Variants in KCNN2 observed in about 807,000 individuals in gnomAD.
KCNN2 encodes small conductance calcium-activated potassium channel protein 2.
KCNN2 carries 24 observed loss-of-function variants against 55.5 expected under a neutral mutation model. That is an observed-to-expected ratio of 0.43 (90% CI 0.31 to 0.61). The LOEUF (loss-of-function observed/expected upper bound fraction) is 0.61. Ranked by LOEUF, KCNN2 falls within the 20% of genes least tolerant of loss-of-function variation. The pLI is 0.08. For missense variants in KCNN2, 754 were observed against 853.6 expected, an observed-to-expected ratio of 0.88 and a Z score of 1.45; for synonymous variants, 431 against 336.1, an observed-to-expected ratio of 1.28 and a Z score of -3.09.
intron 2 of KCNN2, among the ~76,000 whole-genome samples, chr5:114,375,699 G>A (rs1382529285): frequency 1.3e-5 from 2 of 151,806 alleles, no homozygotes; most frequent in Non-Finnish European, 2.9e-5. Flanking sequence ...TAGGATTTTA[G>A]TCAAGAATTT....
At chr5:114,179,296 C>T (rs1267335810) in intron 1 of KCNN2, among the ~76,000 whole-genome samples, 4 of 152,168 alleles carry the variant, frequency 2.6e-5, no homozygotes, top group Non-Finnish European at 5.9e-5. Flanking sequence ...ATTGTTGTCA[C>T]ACCTCTGTTC....
At chr5:114,461,361 G>A (rs536682824) in intron 3 of KCNN2, among the ~76,000 whole-genome samples, 63 of 152,302 alleles carry the variant, frequency 4.1e-4, no homozygotes, top group African/African-American at 1.4e-3. Context: ...TTGTTTAGGG[G>A]TGAGGAACGG....
At chr5:114,493,257 A>T in intron 6 of KCNN2, 146 bp from the exon 7 acceptor site, 1 of 719,108 alleles carries the variant, frequency 1.4e-6, no homozygotes, top group Middle Eastern at 2.3e-4. Flanking sequence ...TGTACCAGAC[A>T]CATAACCAGT....
intron 1 of KCNN2, among the ~76,000 whole-genome samples, chr5:114,166,846 C>G (rs1240985813): frequency 6.6e-6 from 1 of 151,984 alleles, no homozygotes; most frequent in Non-Finnish European, 1.5e-5. Flanking sequence ...GAGATCAGTG[C>G]CCTTTTAAGA....
chr5:114,427,810 T>C (rs1759674390), intron 3 of KCNN2, among the ~76,000 whole-genome samples: 1 of 152,224 alleles, frequency 6.6e-6, no homozygotes, highest in Non-Finnish European at 1.5e-5. Flanking sequence ...TGTTTTATTC[T>C]GCTTAATATT....
intron 1 of KCNN2, among the ~76,000 whole-genome samples, chr5:114,155,277 C>G (rs1328361402): frequency 6.6e-6 from 1 of 152,106 alleles, no homozygotes; most frequent in South Asian, 2.1e-4. Context: ...TTTTCTTTAT[C>G]CAGTCTGTGA....
intron 3 of KCNN2, among the ~76,000 whole-genome samples, chr5:114,455,528 A>T (rs1760877779): frequency 6.6e-6 from 1 of 152,196 alleles, no homozygotes. Context: ...CCAACTAATG[A>T]CCTACAATGG....
Position 114,176,010 on chromosome 5 carries a change from G to A in KCNN2, c.-270-45470G>A, listed in dbSNP as rs187567904. On this transcript the variant is annotated intron_variant, in intron 1 of 10. Transcript: ENST00000512097. ...CTTATTGGAGATAATTACATTTCAT[G>A]TGCAATTGTTTTCTTTTTTGTTGTT... Among the ~76,000 whole-genome samples the A allele has an allele frequency of 5.9e-5, 9 of 152,204 alleles. No individual in the cohort carries two copies. In the East Asian group the frequency reaches 1.5e-3, roughly 26 times the overall value.
At chr5:114,162,233 A>T (rs113517142) in intron 1 of KCNN2, among the ~76,000 whole-genome samples, 13,940 of 152,228 alleles carry the variant, frequency 0.092, 811 homozygotes, top group Non-Finnish European at 0.12. Context: ...CAGGACCCTC[A>T]GCTGCAGGTC....
intron 1 of KCNN2, among the ~76,000 whole-genome samples, chr5:114,163,977 C>T (rs189615423): frequency 6.6e-6 from 1 of 152,010 alleles, no homozygotes; most frequent in East Asian, 1.9e-4. Context: ...ATATTGAGAC[C>T]AGAAGATGTT....
intron 1 of KCNN2, among the ~76,000 whole-genome samples, chr5:114,126,620 A>G (rs1040013300): frequency 2.0e-5 from 3 of 152,258 alleles, no homozygotes; most frequent in Non-Finnish European, 4.4e-5. Context: ...GCCAAACCAT[A>G]TCATTCTACC....
chr5:114,462,912 TA>T (rs1370756677), intron 3 of KCNN2, 136 bp from the exon 4 acceptor site: 10 of 798,116 alleles, frequency 1.3e-5, no homozygotes, highest in Non-Finnish European at 9.9e-6. Context: ...ATTTTGTTTA[TA>T]TTCACAAGCT....
intron 1 of KCNN2, among the ~76,000 whole-genome samples, chr5:114,090,614 A>G (rs1330940111): frequency 1.3e-5 from 2 of 151,508 alleles, no homozygotes; most frequent in African/African-American, 2.4e-5. Context: ...ATATATGTGT[A>G]TATGTGTATA....
At chr5:114,056,539 G>A (rs1443296764) in intron 1 of KCNN2, 2 of 397,406 alleles carry the variant, frequency 5.0e-6, no homozygotes, top group Middle Eastern at 6.2e-4. Context: ...TAGGGCCACA[G>A]ATTTAATGGG....
At chr5:114,325,944 C>T (rs1266818497) in intron 2 of KCNN2, among the ~76,000 whole-genome samples, 1 of 152,188 alleles carries the variant, frequency 6.6e-6, no homozygotes, top group African/African-American at 2.4e-5. Context: ...CCAGTGGGGT[C>T]TGGGCCTGTG....
At chr5:114,272,307 C>CACATATATGTATGTACATAT (rs1755357198) in intron 2 of KCNN2, among the ~76,000 whole-genome samples, 1 of 144,420 alleles carries the variant, frequency 6.9e-6, no homozygotes, top group Admixed American at 6.7e-5. Context: ...GTACATATCA[C>CACATATATGTATGTACATAT]ACACACACAT....
At chr5:114,474,735 A>G (rs990407458) in intron 5 of KCNN2, among the ~76,000 whole-genome samples, 1 of 152,204 alleles carries the variant, frequency 6.6e-6, no homozygotes, top group African/African-American at 2.4e-5. Context: ...ATAATATTCA[A>G]AAGAACACTT....
chr5:114,443,437 A>G (rs1760291241), intron 3 of KCNN2, among the ~76,000 whole-genome samples: 1 of 152,236 alleles, frequency 6.6e-6, no homozygotes, highest in African/African-American at 2.4e-5. Flanking sequence ...CATAATGTTC[A>G]TTGTTCTCAT....
chr5:114,351,479 T>C (rs2150040356), intron 2 of KCNN2, among the ~76,000 whole-genome samples: 1 of 151,886 alleles, frequency 6.6e-6, no homozygotes, highest in East Asian at 1.9e-4. Context: ...TCTAATACAA[T>C]GTTTAATAAA....
Sources: allele counts gnomAD v4.1 joint callset (sites outside exome capture counted in the v4.1 genomes callset), GRCh38; gene constraint gnomAD v4.1.1; transcripts MANE v1.5; gene names NCBI Gene and HGNC (gene_info 2026-07-23, HGNC 2026-07-21).